Variants in TMEM87B observed in about 807,000 individuals in gnomAD.
TMEM87B encodes transmembrane protein 87B.
In TMEM87B, 83 loss-of-function variants were observed where a neutral mutation model predicts 80.3. The ratio of observed to expected loss-of-function variants is 1.03; its 90% CI spans 0.87 to 1.24. The LOEUF (loss-of-function observed/expected upper bound fraction) is 1.24. TMEM87B is among the 50% of genes most tolerant of loss of function. The pLI is 0.00. For missense variants in TMEM87B, 625 were observed against 674.4 expected (o/e 0.93, Z 0.81); for synonymous variants, 219 against 230.5 (o/e 0.95, Z 0.45).
chr2:112,069,198 CAAAAAAAAAA>C (rs1280554360), intron 4 of TMEM87B, among the ~76,000 whole-genome samples: 4 of 62,370 alleles, frequency 6.4e-5, no homozygotes, highest in African/African-American at 1.7e-4. Context: ...GACTCCGTCT[CAAAAAAAAAA>C]AAAAAAAAAA....
chr2:112,060,143 C>T, intron 2 of TMEM87B, 106 bp downstream of exon 2: 1 of 1,260,260 alleles, frequency 7.9e-7, no homozygotes, highest in Non-Finnish European at 1.0e-6. Context: ...GTCGGGAGTT[C>T]AGGACGAGCC....
intron 8 of TMEM87B, among the ~76,000 whole-genome samples, chr2:112,082,334 T>C (rs1053654619): frequency 1.2e-4 from 18 of 152,186 alleles, no homozygotes; most frequent in African/African-American, 3.4e-4. Flanking sequence ...TTTTGCTCAC[T>C]GCAGCCTCGA....
rs755257040 is a variant in TMEM87B, at chr2:112,100,622, A to C, written c.1377A>C (p.Arg459Ser). The C allele has an allele frequency of 3.7e-6, 6 of 1,605,390 alleles. No homozygotes were observed. In the African/African-American group the frequency reaches 8.0e-5, roughly 21 times the overall value. ...AAACTACTCCTTGTTTTTGCTATAGATATGCCTTCATGCCCTTAATAGATG... is the reference window on the plus strand; with the variant it reads ...AAACTACTCCTTGTTTTTGCTATAGCTATGCCTTCATGCCCTTAATAGATG... ...FLWRPSANNQ[R>S]YAFMPLIDDS... is the part of the protein sequence containing the mutation. Residue 459 changes from arginine (R) to serine (S), a missense_variant and splice_region_variant, in exon 15 of 19, where the codon AGA (arginine) becomes AGC (serine). Arg to Ser is a moderately radical substitution (Grantham distance 110, BLOSUM62 -1). Transcript: ENST00000283206.
At chr2:112,071,098 A>G (rs1455994861) in intron 4 of TMEM87B, among the ~76,000 whole-genome samples, 1 of 151,834 alleles carries the variant, frequency 6.6e-6, no homozygotes, top group Admixed American at 6.6e-5. Context: ...TGCTGGGATT[A>G]CAGGCATGAG....
intron 4 of TMEM87B, among the ~76,000 whole-genome samples, chr2:112,071,476 A>AT (rs201593502): frequency 2.6e-4 from 38 of 148,798 alleles, no homozygotes; most frequent in Middle Eastern, 3.5e-3. Flanking sequence ...TAATTTTTGA[A>AT]TTTTTTTTTT....
chr2:112,055,767 T>C lies in TMEM87B; in HGVS notation c.165+11T>C. On this transcript the variant is annotated intron_variant, in intron 1 of 18. Coordinates refer to ENST00000283206, the MANE Select transcript of TMEM87B (RefSeq NM_032824.3). ...GAGACAGTCAACGACGTAAGTGGAG[T>C]GTCGGGACCCAGGCGTGGCACGTCT... 1 of 1,463,906 alleles carries C rather than the reference T, an allele frequency of 6.8e-7. No individual in the cohort carries two copies. Among genetic ancestry groups the C allele is most frequent in the Non-Finnish European group, 9.0e-7 (1 of 1,108,962 alleles). 90.7% of individuals were successfully genotyped at this position (1,463,906 alleles called of 1,614,324 possible). A position where few individuals can be genotyped will look rare whatever the true frequency, so the allele number is the denominator to read the frequency against.
At chr2:112,068,088 C>T (rs1242765116) in intron 4 of TMEM87B, among the ~76,000 whole-genome samples, 6 of 152,114 alleles carry the variant, frequency 3.9e-5, no homozygotes, top group Admixed American at 3.3e-4. Flanking sequence ...GTGGTACGCA[C>T]CTGTAATCCC....
At position 112,097,110 on chromosome 2, in the gene TMEM87B, T is replaced by C. The variant is rs1679492620; in HGVS notation, c.1171T>C (p.Leu391=). The C allele has an allele frequency of 6.2e-7, 1 of 1,609,384 alleles. No homozygotes were observed. Among genetic ancestry groups the C allele is most frequent in the Non-Finnish European group, 8.5e-7 (1 of 1,178,598 alleles). Residue 391 remains leucine (L), a synonymous_variant, in exon 12 of 19, where the codon TTA becomes CTA. Coordinates refer to ENST00000283206, the MANE Select transcript of TMEM87B (RefSeq NM_032824.3). The stretch of plus-strand genomic sequence containing the variant: ...AAGAAAGAACACTGTGAAATTTTCA[T>C]TATATAGACATTTTAAAAATACTCT... ...RLRKNTVKFS[L]YRHFKNTLIF...
chr2:112,077,136 A>G (rs376453307), intron 5 of TMEM87B, 56 bp from the exon 6 acceptor site: 196 of 860,208 alleles, frequency 2.3e-4, no homozygotes, highest in Non-Finnish European at 3.0e-4. Context: ...TTGTTCAGCT[A>G]TATTACATAG....
At chr2:112,106,160 A>G in intron 16 of TMEM87B, 85 bp downstream of exon 16, 2 of 871,766 alleles carry the variant, frequency 2.3e-6, no homozygotes. Flanking sequence ...ATATTCATTG[A>G]CTCTCAGAAG....
chr2:112,056,279 A>T (rs559277541), intron 1 of TMEM87B, among the ~76,000 whole-genome samples: 1 of 151,926 alleles, frequency 6.6e-6, no homozygotes, highest in African/African-American at 2.4e-5. Flanking sequence ...TGCAGTAGTC[A>T]CCCTACCTCT....
chr2:112,100,860 A>G (rs1416514147), intron 15 of TMEM87B, among the ~76,000 whole-genome samples, 165 bp downstream of exon 15: 1 of 152,218 alleles, frequency 6.6e-6, no homozygotes, highest in Non-Finnish European at 1.5e-5. Context: ...CAGAAAGGTC[A>G]GTGATGAAAT....
intron 4 of TMEM87B, among the ~76,000 whole-genome samples, chr2:112,073,678 A>G (rs1678726423): frequency 1.3e-5 from 2 of 152,148 alleles, no homozygotes; most frequent in African/African-American, 4.8e-5. Flanking sequence ...CAGTGATCTA[A>G]TACTTTCAGT....
chr2:112,093,772 G>A (rs1399573074), intron 11 of TMEM87B, among the ~76,000 whole-genome samples: 2 of 152,182 alleles, frequency 1.3e-5, no homozygotes, highest in Non-Finnish European at 2.9e-5. Context: ...CAGTGTTCCA[G>A]TGATAAGAGA....
At chr2:112,092,410 T>C (rs1020062434) in intron 11 of TMEM87B, among the ~76,000 whole-genome samples, 3 of 152,104 alleles carry the variant, frequency 2.0e-5, no homozygotes, top group South Asian at 2.1e-4. Flanking sequence ...CAGGGCATGC[T>C]CAAGAGCTGA....
intron 1 of TMEM87B, 106 bp downstream of exon 1, chr2:112,055,862 C>T: frequency 1.5e-6 from 2 of 1,340,208 alleles, no homozygotes; most frequent in South Asian, 1.7e-5. Flanking sequence ...GCCGGGTCAG[C>T]ACCGGGTCCC....
Position 112,091,761 on chromosome 2 carries a change from T to C in TMEM87B, c.1082T>C (p.Ile361Thr). 6.2e-7 allele frequency: 1 copy of C among 1,613,244 alleles called. No homozygotes were observed. The highest frequency in any genetic ancestry group is 1.7e-5 in the Admixed American group (1 of 60,002). The change falls in exon 11 of 19, where the codon ATT becomes ACT. Residue 361 changes from isoleucine to threonine, a missense_variant. Physicochemically the swap from Ile to Thr is moderately conservative, Grantham distance 89. Coordinates refer to ENST00000283206, the MANE Select transcript of TMEM87B (RefSeq NM_032824.3). ...VVLDDIILAVIDSIFVWFIFI... is the reference protein window; with the variant it reads ...VVLDDIILAVTDSIFVWFIFI... ...CTTGATGACATTATTTTAGCAGTTATTGACTCCATTTTTGTGTGGTTCATA... is the reference window on the plus strand; with the variant it reads ...CTTGATGACATTATTTTAGCAGTTACTGACTCCATTTTTGTGTGGTTCATA...
chr2:112,075,164 C>G (rs1281831239), intron 5 of TMEM87B, among the ~76,000 whole-genome samples: 1 of 152,180 alleles, frequency 6.6e-6, no homozygotes, highest in Non-Finnish European at 1.5e-5. Flanking sequence ...CTTTGGGAGG[C>G]TGAAGCAGGT....
intron 2 of TMEM87B, among the ~76,000 whole-genome samples, chr2:112,060,924 A>C (rs1414325287): frequency 1.3e-5 from 2 of 152,104 alleles, no homozygotes; most frequent in African/African-American, 4.8e-5. Flanking sequence ...ATAGACGAAC[A>C]AAAAAAATTT....
Sources: allele counts gnomAD v4.1 joint callset (sites outside exome capture counted in the v4.1 genomes callset), GRCh38; gene constraint gnomAD v4.1.1; transcripts MANE v1.5; gene names NCBI Gene and HGNC (gene_info 2026-07-23, HGNC 2026-07-21).